Variants in ME1 observed in about 807,000 individuals in gnomAD.
ME1 encodes the protein NADP-dependent malic enzyme.
ME1 carries 74 observed loss-of-function variants against 66.4 expected under a neutral mutation model. The observed-to-expected ratio is 1.11, with a 90% CI of 0.92 to 1.35. The LOEUF (loss-of-function observed/expected upper bound fraction) is 1.35, where lower values mean the gene tolerates loss of function less well. Among genes scored for constraint, ME1 ranks in the 40% most tolerant of loss-of-function variants. The pLI, the probability that ME1 is intolerant of heterozygous loss-of-function variation, is 0.00. For synonymous variants in ME1, 251 were observed against 235.6 expected (o/e 1.07, Z -0.60); for missense variants, 750 against 694.1 (o/e 1.08, Z -0.90).
intron 3 of ME1, among the ~76,000 whole-genome samples, chr6:83,395,141 G>A (rs1392449331): frequency 6.6e-6 from 1 of 151,566 alleles, no homozygotes; most frequent in Non-Finnish European, 1.5e-5. Context: ...CCAGGCTGGA[G>A]TGCAGTAGCA....
intron 6 of ME1, among the ~76,000 whole-genome samples, chr6:83,291,329 T>C (rs951973713): frequency 6.6e-6 from 1 of 152,204 alleles, no homozygotes; most frequent in Non-Finnish European, 1.5e-5. Flanking sequence ...TGACAAAATC[T>C]CTCAGCATTT....
intron 12 of ME1, among the ~76,000 whole-genome samples, chr6:83,219,702 T>C (rs1790050426): frequency 6.6e-6 from 1 of 151,646 alleles, no homozygotes; most frequent in South Asian, 2.1e-4. Flanking sequence ...GACTCCCGAG[T>C]AGCTGAGACA....
At chr6:83,403,917 G>A (rs1473362304) in intron 2 of ME1, among the ~76,000 whole-genome samples, 1 of 152,134 alleles carries the variant, frequency 6.6e-6, no homozygotes, top group Non-Finnish European at 1.5e-5. Context: ...ATGGGCATTT[G>A]GGTTGGTTCC....
chr6:83,312,289 G>A (rs1767946495), intron 6 of ME1, among the ~76,000 whole-genome samples: 1 of 152,170 alleles, frequency 6.6e-6, no homozygotes, highest in Non-Finnish European at 1.5e-5. Context: ...GCATACAGGA[G>A]CCAGTAATAA....
At chr6:83,350,059 T>A (rs1057507404) in intron 4 of ME1, among the ~76,000 whole-genome samples, 5 of 152,220 alleles carry the variant, frequency 3.3e-5, no homozygotes, top group African/African-American at 9.6e-5. Flanking sequence ...AAGGCACCTA[T>A]AATACCACAC....
At chr6:83,363,896 G>A (rs1317961891) in intron 3 of ME1, among the ~76,000 whole-genome samples, 3 of 152,160 alleles carry the variant, frequency 2.0e-5, no homozygotes, top group African/African-American at 7.2e-5. Flanking sequence ...TTGTAGGAAG[G>A]ATAGTTGTAT....
At chr6:83,323,429 C>T (rs374566793) in intron 5 of ME1, among the ~76,000 whole-genome samples, 4 of 151,652 alleles carry the variant, frequency 2.6e-5, no homozygotes, top group Non-Finnish European at 1.5e-5. Context: ...CAAAGACACA[C>T]ATAGGCTCAA....
intron 11 of ME1, among the ~76,000 whole-genome samples, chr6:83,226,769 T>G (rs1378622145): frequency 6.6e-6 from 1 of 150,448 alleles, no homozygotes; most frequent in Non-Finnish European, 1.5e-5. Flanking sequence ...TTTAAAGTCT[T>G]TGAAGGGAAA....
At chr6:83,278,157 T>C (rs1294068489) in intron 6 of ME1, among the ~76,000 whole-genome samples, 2 of 151,986 alleles carry the variant, frequency 1.3e-5, no homozygotes, top group Admixed American at 6.6e-5. Flanking sequence ...GACAGGCAAA[T>C]ACAGAGAATC....
At chr6:83,232,143 C>G (rs1338853478) in intron 9 of ME1, among the ~76,000 whole-genome samples, 1 of 152,112 alleles carries the variant, frequency 6.6e-6, no homozygotes, top group Non-Finnish European at 1.5e-5. Context: ...TTCCTACATA[C>G]AGGGACTAGA....
At chr6:83,243,502 TATA>T (rs1790548358) in intron 7 of ME1, among the ~76,000 whole-genome samples, 1 of 128,570 alleles carries the variant, frequency 7.8e-6, no homozygotes, top group Admixed American at 8.7e-5. Flanking sequence ...GTTATATTGA[TATA>T]ATCTATTATA....
intron 6 of ME1, among the ~76,000 whole-genome samples, chr6:83,303,014 G>T (rs1767756098): frequency 6.6e-6 from 1 of 151,998 alleles, no homozygotes; most frequent in African/African-American, 2.4e-5. Context: ...ATAGAAACTG[G>T]GTTATGGTTA....
chr6:83,295,889 C>A (rs534026724), intron 6 of ME1, among the ~76,000 whole-genome samples: 2 of 152,048 alleles, frequency 1.3e-5, no homozygotes, highest in Non-Finnish European at 2.9e-5. Flanking sequence ...ATTATGAACA[C>A]CTTTATGTAC....
chr6:83,216,991 A>G (rs1203763199), intron 12 of ME1, among the ~76,000 whole-genome samples: 3 of 152,226 alleles, frequency 2.0e-5, no homozygotes, highest in Non-Finnish European at 4.4e-5. Context: ...AAGGCTAAGC[A>G]TGCCATTACT....
intron 3 of ME1, among the ~76,000 whole-genome samples, chr6:83,360,364 A>G (rs1328491430): frequency 6.6e-6 from 1 of 152,182 alleles, no homozygotes; most frequent in African/African-American, 2.4e-5. Flanking sequence ...CGTTGATTCC[A>G]GGGGACCCCA....
At chr6:83,217,184 T>A (rs1226657121) in intron 12 of ME1, among the ~76,000 whole-genome samples, 1 of 152,182 alleles carries the variant, frequency 6.6e-6, no homozygotes, top group Non-Finnish European at 1.5e-5. Flanking sequence ...CAGTGTTAAA[T>A]TTTGTATTGA....
Position 83,259,315 on chromosome 6 carries a change from T to C in ME1, c.705-5577A>G, listed in dbSNP as rs552432456. ...GCCCTGGAAATGCTCACTGGGAAAA[T>C]AGTCTCATTGGGAAGACAAAAGGAT... On this transcript the variant is annotated intron_variant, in intron 6 of 13. Transcript: ENST00000369705. Among the ~76,000 whole-genome samples the C allele has an allele frequency of 1.6e-4, 24 of 152,104 alleles. No individual in the cohort carries two copies. The South Asian group carries it at 2.1e-3, about 13-fold the overall frequency.
chr6:83,276,929 G>A (rs1484724109), intron 6 of ME1, among the ~76,000 whole-genome samples: 1 of 152,210 alleles, frequency 6.6e-6, no homozygotes, highest in Non-Finnish European at 1.5e-5. Flanking sequence ...ATAAGAAAGA[G>A]ACAAATAACT....
chr6:83,289,167 C>T (rs183590155), intron 6 of ME1, among the ~76,000 whole-genome samples: 1 of 152,300 alleles, frequency 6.6e-6, no homozygotes, highest in Admixed American at 6.5e-5. Context: ...ATGGCCCTGG[C>T]CAGAACTTCC....
Sources: allele counts gnomAD v4.1 joint callset (sites outside exome capture counted in the v4.1 genomes callset), GRCh38; gene constraint gnomAD v4.1.1; transcripts MANE v1.5; gene names NCBI Gene and HGNC (gene_info 2026-07-23, HGNC 2026-07-21).